The following C18orf63 variants were observed in gnomAD, a reference collection of about 807,000 sequenced individuals.
The protein encoded by C18orf63 is chromosome 18 open reading frame 63.
Under a neutral mutation model 75.3 loss-of-function variants are expected in C18orf63, and 50 were observed. The ratio of observed to expected loss-of-function variants is 0.66; its 90% confidence interval spans 0.53 to 0.84. C18orf63 has a LOEUF of 0.84. Among genes scored for constraint, C18orf63 ranks in the 40% least tolerant of loss-of-function variants. The probability of loss-of-function intolerance (pLI) is 0.00; values close to 1 mark genes in which losing one functional copy is unlikely to be tolerated. For synonymous variants in C18orf63, 232 were observed against 267.6 expected, an observed-to-expected ratio of 0.87 and a Z score of 1.30; for missense variants, 732 against 800.2, an observed-to-expected ratio of 0.91 and a Z score of 1.03.
chr18:74,334,186 T>C (rs1377514865), intron 7 of C18orf63, among the ~76,000 whole-genome samples: 1 of 152,050 alleles, frequency 6.6e-6, no homozygotes, highest in African/African-American at 2.4e-5. Context: ...GACTCAGGTT[T>C]ATTTTGCCAA....
chr18:74,325,581 A>G (rs1364839616), intron 4 of C18orf63, among the ~76,000 whole-genome samples: 1 of 152,142 alleles, frequency 6.6e-6, no homozygotes, highest in African/African-American at 2.4e-5. Flanking sequence ...ATTCTCACTT[A>G]TGTTCTGTTC....
rs536668568 is a variant in C18orf63, at chr18:74,333,470, G to C, written c.501+2528G>C. Among the ~76,000 whole-genome samples the C allele has an allele frequency of 1.3e-5, 2 of 152,316 alleles. 1 individual carries two copies. Among genetic ancestry groups the C allele is most frequent in the African/African-American group, 4.8e-5 (2 of 41,574 alleles). On this transcript the variant is annotated intron_variant, in intron 7 of 13. Transcript: ENST00000579455. The stretch of plus-strand genomic sequence containing the variant: ...ACTCACAGTTCCTCATGACTGGGAA[G>C]GCCTTAGGAAATTTACAGTCATGGT...
At chr18:74,352,148 A>G (rs1461728067) in intron 11 of C18orf63, among the ~76,000 whole-genome samples, 1 of 152,236 alleles carries the variant, frequency 6.6e-6, no homozygotes, top group Non-Finnish European at 1.5e-5. Flanking sequence ...CAGACACAAA[A>G]AGACAAATAT....
rs547016527 is a variant in C18orf63, at chr18:74,320,527, T to C, written c.149T>C (p.Leu50Ser). ...CATCTCCACAGGCAATTGCTGTTTTTGCATCAAGATATTCTTACATCACCT... is the reference window on the plus strand; with the variant it reads ...CATCTCCACAGGCAATTGCTGTTTTCGCATCAAGATATTCTTACATCACCT... ...QMKMCRQLLF[L>S]HQDILTSPVS... is the part of the protein sequence containing the mutation. The change falls in exon 3 of 14, where the codon TTG becomes TCG. Residue 50 changes from leucine (L) to serine (S), a missense_variant. By Grantham distance (145) the Leu-to-Ser change is moderately radical. Transcript: ENST00000579455. 2.0e-6 allele frequency: 3 copies of C among 1,534,076 alleles called. No homozygotes were observed. The East Asian group carries it at 7.4e-5, about 38-fold the overall frequency.
In C18orf63 at chr18:74,357,939, G is replaced by A. The variant is rs1288743688; in HGVS notation, c.*1492G>A. On this transcript the variant is annotated 3_prime_UTR_variant, in exon 14 of 14. Coordinates refer to ENST00000579455, the MANE Select transcript of C18orf63 (RefSeq NM_001174123.2). ...ATGTCATTTTGTTTATGAGGCTATG[G>A]TGAAAATAACATTAGTAAATATGCA... 1 of 152,054 alleles carries A rather than the reference G, an allele frequency of 6.6e-6. No homozygotes were observed. The highest frequency in any genetic ancestry group is 2.4e-5 in the African/African-American group (1 of 41,354). The allele number at this position is 152,054 out of a possible 1,614,324, so 9.4% of individuals were successfully genotyped here. A position where few individuals can be genotyped will look rare whatever the true frequency, so the allele number is the denominator to read the frequency against.
At chr18:74,342,712 T>C (rs577956375) in intron 10 of C18orf63, among the ~76,000 whole-genome samples, 1 of 152,184 alleles carries the variant, frequency 6.6e-6, no homozygotes, top group Non-Finnish European at 1.5e-5. Flanking sequence ...GATTTTTCTT[T>C]TGAGGAGATT....
chr18:74,348,917 AG>A (rs1984619320), intron 11 of C18orf63, among the ~76,000 whole-genome samples: 2 of 152,210 alleles, frequency 1.3e-5, no homozygotes, highest in African/African-American at 2.4e-5. Context: ...AGGGAGCAAA[AG>A]AAACTTCTGG....
chr18:74,342,039 A>G lies in C18orf63; in HGVS notation c.619A>G (p.Met207Val). Residue 207 changes from methionine (M) to valine (V), a missense_variant, in exon 9 of 14, where the codon ATG becomes GTG. Around this residue, in one of 3 missense-constraint regions of C18orf63, gnomAD observed 233 missense variants for 272.7 expected, o/e 0.85. Transcript: ENST00000579455. ...TCCTCTCATTTTTCATAGTATGAAA[A>G]TGGGACAAATTATAAATATTTTTCA... ...NWCYVLPSMK[M>V]GQIINIFHAI... 6.7e-7 allele frequency: 1 copy of G among 1,500,724 alleles called. No homozygotes were observed. The highest frequency in any genetic ancestry group is 1.2e-5 in the South Asian group (1 of 82,294). 93.0% of individuals were successfully genotyped at this position (1,500,724 alleles called of 1,614,324 possible). A position where few individuals can be genotyped will look rare whatever the true frequency, so the allele number is the denominator to read the frequency against.
Position 74,354,094 on chromosome 18 carries a change from A to G in C18orf63, c.1827A>G (p.Leu609=). The change falls in exon 12 of 14, where the codon CTA becomes CTG. Residue 609 remains leucine, a synonymous_variant. Coordinates refer to ENST00000579455, the MANE Select transcript of C18orf63 (RefSeq NM_001174123.2). ...GAGAAACCGAAGATCCACGACTGCT[A>G]CAGCAGCAATCAGAAAATCAAGCTA... is the stretch of plus-strand genomic sequence containing the variant. ...SDGETEDPRL[L]QQQSENQAKE... is the part of the protein sequence containing the mutation. 1 of 1,536,322 alleles carries G rather than the reference A, an allele frequency of 6.5e-7. No homozygotes were observed. Among genetic ancestry groups the G allele is most frequent in the Non-Finnish European group, 8.7e-7 (1 of 1,146,958 alleles).
Position 74,359,091 on chromosome 18 carries a change from G to T in C18orf63, c.*2644G>T, listed in dbSNP as rs1003682690. The T allele has an allele frequency of 1.3e-5, 2 of 152,126 alleles. No homozygotes were observed. The highest frequency in any genetic ancestry group is 2.9e-5 in the Non-Finnish European group (2 of 68,008). The allele number at this position is 152,126 out of a possible 1,614,324, so 9.4% of individuals were successfully genotyped here. A position where few individuals can be genotyped will look rare whatever the true frequency, so the allele number is the denominator to read the frequency against. On this transcript the variant is annotated 3_prime_UTR_variant, in exon 14 of 14. Coordinates refer to ENST00000579455, the MANE Select transcript of C18orf63 (RefSeq NM_001174123.2). ...TCAGTATTTATAAATATTTAAGAAT[G>T]TCATGGTCCTTATGTTTTGATGTTT...
chr18:74,338,771 T>C lies in C18orf63; in HGVS notation c.558T>C (p.His186=), dbSNP rs1380979345. Residue 186 remains histidine (H), a synonymous_variant, in exon 8 of 14, where the codon CAT becomes CAC. Transcript: ENST00000579455. ...TAAAGGATTTTCATGCTAACAAGCA[T>C]GCTGTCATTGAGAGACATTCCATTT... ...SIIKDFHANK[H]AVIERHSILS... 3.1e-5 allele frequency: 44 copies of C among 1,427,756 alleles called. No homozygotes were observed. Among genetic ancestry groups the C allele is most frequent in the Non-Finnish European group, 3.9e-5 (42 of 1,080,518 alleles). The allele number at this position is 1,427,756 out of a possible 1,614,324, so 88.4% of individuals were successfully genotyped here.
chr18:74,342,387 T>C, intron 10 of C18orf63, 61 bp downstream of exon 10: 1 of 988,158 alleles, frequency 1.0e-6, no homozygotes, highest in Non-Finnish European at 1.5e-6. Flanking sequence ...CTAGTTTTGC[T>C]CCCACTCTCA....
At chr18:74,339,789 GT>G (rs1984449745) in intron 8 of C18orf63, among the ~76,000 whole-genome samples, 1 of 152,248 alleles carries the variant, frequency 6.6e-6, no homozygotes, top group East Asian at 1.9e-4. Flanking sequence ...AACAGATTCA[GT>G]AAAGTTGCAG....
At chr18:74,332,920 A>T (rs1329944676) in intron 7 of C18orf63, among the ~76,000 whole-genome samples, 6 of 152,198 alleles carry the variant, frequency 3.9e-5, no homozygotes, top group Admixed American at 3.9e-4. Flanking sequence ...TACAGATGAT[A>T]CTTCTGTGTT....
At chr18:74,346,138 A>T (rs72965871) in intron 11 of C18orf63, among the ~76,000 whole-genome samples, 1 of 152,132 alleles carries the variant, frequency 6.6e-6, no homozygotes, top group African/African-American at 2.4e-5. Context: ...CTTCCTATAC[A>T]TAAATTACTT....
chr18:74,350,590 C>T (rs1984650615), intron 11 of C18orf63, among the ~76,000 whole-genome samples: 1 of 152,130 alleles, frequency 6.6e-6, no homozygotes, highest in Non-Finnish European at 1.5e-5. Context: ...GCCCTGCCAA[C>T]ACCTTGGTTT....
intron 8 of C18orf63, among the ~76,000 whole-genome samples, chr18:74,339,297 A>G (rs1157762525): frequency 2.0e-5 from 3 of 152,194 alleles, no homozygotes; most frequent in African/African-American, 4.8e-5. Context: ...TAATAATTCA[A>G]TCATTGAAGC....
Position 74,342,058 on chromosome 18 carries a change from T to C in C18orf63, c.638T>C (p.Ile213Thr). 6.6e-7 allele frequency: 1 copy of C among 1,523,850 alleles called. No homozygotes were observed. The highest frequency in any genetic ancestry group is 1.2e-5 in the South Asian group (1 of 83,186). 94.4% of individuals were successfully genotyped at this position (1,523,850 alleles called of 1,614,324 possible). A position where few individuals can be genotyped will look rare whatever the true frequency, so the allele number is the denominator to read the frequency against. ...ATGAAAATGGGACAAATTATAAATATTTTTCATGCCATCCCCGCTGCCTGT... is the reference window on the plus strand; with the variant it reads ...ATGAAAATGGGACAAATTATAAATACTTTTCATGCCATCCCCGCTGCCTGT... Reference protein sequence around the residue: ...PSMKMGQIINIFHAIPAACPF... With the variant: ...PSMKMGQIINTFHAIPAACPF... The change falls in exon 9 of 14, where the codon ATT (isoleucine) becomes ACT (threonine). Residue 213 changes from isoleucine to threonine, a missense_variant. By Grantham distance (89) the Ile-to-Thr change is moderately conservative. This residue lies in a region of C18orf63 where 233 missense variants were observed against 272.7 expected (regional missense o/e 0.85). Transcript: ENST00000579455.
At position 74,354,251 on chromosome 18, in the gene C18orf63, A is replaced by G. The variant is rs1179090127; in HGVS notation, c.1984A>G (p.Ser662Gly). Residue 662 changes from serine to glycine, a missense_variant, in exon 12 of 14, where the codon AGT becomes GGT. By Grantham distance (56) the Ser-to-Gly change is moderately conservative. Around this residue, in one of 3 missense-constraint regions of C18orf63, gnomAD observed 495 missense variants for 508.7 expected, o/e 0.97. Coordinates refer to ENST00000579455, the MANE Select transcript of C18orf63 (RefSeq NM_001174123.2). ...HSDTVHYGQS[S>G]SSKKQILDSD... ...CGATACTGTGCACTATGGCCAATCC[A>G]GTTCTTCTAAGAAGCAGGTAAAAAA... is the stretch of plus-strand genomic sequence containing the variant. The G allele has an allele frequency of 7.9e-6, 12 of 1,511,834 alleles. No homozygotes were observed. Among genetic ancestry groups the G allele is most frequent in the Non-Finnish European group, 1.1e-5 (12 of 1,139,084 alleles). 93.7% of individuals were successfully genotyped at this position (1,511,834 alleles called of 1,614,324 possible). A position where few individuals can be genotyped will look rare whatever the true frequency, so the allele number is the denominator to read the frequency against.
Sources: gnomAD v4.1 joint callset for allele counts (sites outside exome capture counted in the v4.1 genomes callset) on GRCh38, gnomAD v4.1.1 for gene constraint, gnomAD v4.1.1 regional missense constraint, MANE v1.5 for transcripts, NCBI Gene and HGNC (gene_info 2026-07-23, HGNC 2026-07-21) for gene names.